INPP5A: variants seen among roughly 807,000 people sequenced by gnomAD.
INPP5A encodes inositol polyphosphate-5-phosphatase A, also known as 43 kDa inositol polyphosphate 5-phophatase.
INPP5A carries 14 observed loss-of-function variants against 65.2 expected under a neutral mutation model. The ratio of observed to expected loss-of-function variants is 0.21; its 90% CI spans 0.14 to 0.34. The LOEUF (loss-of-function observed/expected upper bound fraction) is 0.34, where lower values mean the gene tolerates loss of function less well. INPP5A is among the 10% of genes least tolerant of loss of function. The pLI, the probability that INPP5A is intolerant of heterozygous loss-of-function variation, is 1.00. For synonymous variants in INPP5A, 207 were observed against 208.3 expected, an observed-to-expected ratio of 0.99 and a Z score of 0.05; for missense variants, 431 against 545.6, an observed-to-expected ratio of 0.79 and a Z score of 2.09.
intron 2 of INPP5A, among the ~76,000 whole-genome samples, chr10:132,621,778 G>C (rs1388674136): frequency 6.6e-6 from 1 of 151,072 alleles, no homozygotes; most frequent in Non-Finnish European, 1.5e-5. Flanking sequence ...CGTGAGGGGG[G>C]TATGTCTTTT....
chr10:132,700,316 G>A (rs1272025046), intron 6 of INPP5A, among the ~76,000 whole-genome samples: 1 of 152,248 alleles, frequency 6.6e-6, no homozygotes. Context: ...CCTTGTGGCT[G>A]CTGGTGGCTG....
chr10:132,644,306 C>G lies in INPP5A; in HGVS notation c.118-1562C>G, dbSNP rs566473280. Among the ~76,000 whole-genome samples the G allele has an allele frequency of 2.8e-3, 425 of 152,348 alleles. 2 individuals are homozygous for G. The highest frequency in any genetic ancestry group is 9.8e-3 in the African/African-American group (406 of 41,586). Reference sequence around the variant, plus strand: ...CAGGCACGGCCGCCCTTGTCTCCTGCTGCCGCTGCCACCTGCAGCACAGAC... The same window carrying G: ...CAGGCACGGCCGCCCTTGTCTCCTGGTGCCGCTGCCACCTGCAGCACAGAC... On this transcript the variant is annotated intron_variant, in intron 2 of 15. Coordinates refer to ENST00000368594, the MANE Select transcript of INPP5A (RefSeq NM_005539.5). This position sits in a 1 kb window ranked among gnomAD's most constrained non-coding sequence, Gnocchi z 6.5.
In INPP5A at chr10:132,726,879, C is replaced by T. The variant is rs1238614232; in HGVS notation, c.706C>T (p.Arg236Trp). 1.9e-6 allele frequency: 3 copies of T among 1,609,760 alleles called. No homozygotes were observed. The highest frequency in any genetic ancestry group is 2.5e-6 in the Non-Finnish European group (3 of 1,176,806). Reference protein sequence around the residue: ...SYFVFGDFNFRLDSKSVVETL... With the variant: ...SYFVFGDFNFWLDSKSVVETL... The stretch of plus-strand genomic sequence containing the variant: ...CTTTGTATTTGGTGATTTCAACTTC[C>T]GGCTGGATTCCAAGTCCGTCGTGGA... The change falls in exon 9 of 16, where the codon CGG (arginine) becomes TGG (tryptophan). Residue 236 changes from arginine (R) to tryptophan (W), a missense_variant. Coordinates refer to ENST00000368594, the MANE Select transcript of INPP5A (RefSeq NM_005539.5).
chr10:132,620,297 T>G (rs886616282), intron 2 of INPP5A, among the ~76,000 whole-genome samples: 1 of 152,248 alleles, frequency 6.6e-6, no homozygotes, highest in Admixed American at 6.5e-5. Context: ...TTTTTGATTT[T>G]CTTTCCTGAG....
In INPP5A at chr10:132,567,999, T is replaced by C. The variant is rs1590834926; in HGVS notation, c.75+29828T>C. On this transcript the variant is annotated intron_variant, in intron 1 of 15. Transcript: ENST00000368594. ...TGAGGTCAAGAGATCAAGACCATCC[T>C]GGCCAACATAGTGAAACCCCGTCTC... 2.6e-5 allele frequency among the ~76,000 whole-genome samples: 4 copies of C among 152,028 alleles called. No homozygotes were observed. In the East Asian group the frequency reaches 7.7e-4, roughly 29 times the overall value.
intron 2 of INPP5A, among the ~76,000 whole-genome samples, chr10:132,639,734 A>C (rs981308942): frequency 5.3e-5 from 8 of 151,956 alleles, no homozygotes; most frequent in Admixed American, 6.6e-5. Flanking sequence ...ATGTGATGCC[A>C]TTTTCTGGAG....
chr10:132,733,698 G>A (rs1430633457), intron 9 of INPP5A, among the ~76,000 whole-genome samples: 2 of 152,232 alleles, frequency 1.3e-5, no homozygotes, highest in East Asian at 3.8e-4. Flanking sequence ...ACCAGATCAG[G>A]CTGTGCTGAA....
At chr10:132,630,761 C>T (rs1267148584) in intron 2 of INPP5A, among the ~76,000 whole-genome samples, 1 of 145,994 alleles carries the variant, frequency 6.8e-6, no homozygotes, top group Non-Finnish European at 1.5e-5. Flanking sequence ...TGGACTTAAC[C>T]TTGCCCTGCC....
At chr10:132,661,397 C>T (rs530070646) in intron 4 of INPP5A, among the ~76,000 whole-genome samples, 7 of 152,104 alleles carry the variant, frequency 4.6e-5, no homozygotes, top group South Asian at 4.2e-4. Context: ...TAAATGATGC[C>T]GTTGGAAATT....
chr10:132,710,188 C>T, intron 7 of INPP5A, 149 bp from the exon 8 acceptor site: 2 of 767,482 alleles, frequency 2.6e-6, no homozygotes, highest in South Asian at 1.8e-5. Flanking sequence ...TGTCGGAAGA[C>T]AGGTGGGTGG....
At chr10:132,735,750 C>CAG (rs1387146715) in intron 9 of INPP5A, among the ~76,000 whole-genome samples, 2 of 152,216 alleles carry the variant, frequency 1.3e-5, no homozygotes, top group Non-Finnish European at 2.9e-5. Context: ...GGAGGCCGGG[C>CAG]AGAGCCGGGC....
chr10:132,710,256 C>G, intron 7 of INPP5A, 81 bp from the exon 8 acceptor site: 1 of 1,528,854 alleles, frequency 6.5e-7, no homozygotes, highest in Non-Finnish European at 8.9e-7. Flanking sequence ...GTCTTATCTT[C>G]CCGGGGACTC....
intron 6 of INPP5A, among the ~76,000 whole-genome samples, chr10:132,702,756 C>T (rs941199588): frequency 3.3e-5 from 5 of 152,354 alleles, no homozygotes; most frequent in Middle Eastern, 3.4e-3. Flanking sequence ...TCTGCTCTCT[C>T]GTTCCACAGT....
intron 4 of INPP5A, among the ~76,000 whole-genome samples, chr10:132,655,538 G>A (rs990356618): frequency 6.6e-6 from 1 of 152,250 alleles, no homozygotes; most frequent in African/African-American, 2.4e-5. Flanking sequence ...GAGAGCCGAC[G>A]TCGGCCAGAG....
chr10:132,677,347 C>T (rs1388078991), intron 4 of INPP5A, among the ~76,000 whole-genome samples: 1 of 152,226 alleles, frequency 6.6e-6, no homozygotes, highest in Non-Finnish European at 1.5e-5. Context: ...TGGGCTCTGG[C>T]CATCTGGTCA....
intron 1 of INPP5A, among the ~76,000 whole-genome samples, chr10:132,589,300 G>A (rs1484415249): frequency 1.3e-5 from 2 of 152,262 alleles, no homozygotes; most frequent in Non-Finnish European, 2.9e-5. Context: ...ATGCGGGCTC[G>A]AGGAAGCTGT....
At position 132,777,799 on chromosome 10, in the gene INPP5A, C is replaced by G. The variant is rs1258250631; in HGVS notation, c.1089+17C>G. 6.2e-7 allele frequency: 1 copy of G among 1,611,102 alleles called. No homozygotes were observed. The highest frequency in any genetic ancestry group is 8.5e-7 in the Non-Finnish European group (1 of 1,179,202). ...GTGCTGCGGGTGAGTGTGTGCTGCC[C>G]CAGCCCTGGGCACAGAGGGATGTGG... On this transcript the variant is annotated intron_variant, in intron 13 of 15. Coordinates refer to ENST00000368594, the MANE Select transcript of INPP5A (RefSeq NM_005539.5).
At chr10:132,691,802 T>G (rs945665660) in intron 5 of INPP5A, among the ~76,000 whole-genome samples, 1 of 147,480 alleles carries the variant, frequency 6.8e-6, no homozygotes, top group Non-Finnish European at 1.5e-5. Flanking sequence ...CGTGTGGACA[T>G]GGGAGACGTG....
chr10:132,562,617 A>T (rs2071221012), intron 1 of INPP5A, among the ~76,000 whole-genome samples: 1 of 152,256 alleles, frequency 6.6e-6, no homozygotes, highest in African/African-American at 2.4e-5. Flanking sequence ...CACACACGGC[A>T]CGAGTGTGGC....
Sources: gnomAD v4.1 joint callset for allele counts (sites outside exome capture counted in the v4.1 genomes callset) on GRCh38, gnomAD v4.1.1 for gene constraint, Gnocchi (gnomAD v3.1) non-coding constraint, MANE v1.5 for transcripts, NCBI Gene and HGNC (gene_info 2026-07-23, HGNC 2026-07-21) for gene names.